The following PDGFRL variants were observed in gnomAD, a reference collection of about 807,000 sequenced individuals.
The protein encoded by PDGFRL is platelet-derived growth factor receptor-like protein.
Under a neutral mutation model 37.2 loss-of-function variants are expected in PDGFRL, and 46 were observed. That is an observed-to-expected ratio of 1.24 (90% confidence interval 0.98 to 1.58). The LOEUF is 1.58. PDGFRL is among the 40% of genes most tolerant of loss of function. The probability of loss-of-function intolerance (pLI) is 0.00; values close to 1 mark genes in which losing one functional copy is unlikely to be tolerated. For synonymous variants in PDGFRL, 251 were observed against 184.3 expected (o/e 1.36, Z -2.93); for missense variants, 692 against 467.6 (o/e 1.48, Z -4.43).
intron 2 of PDGFRL, among the ~76,000 whole-genome samples, chr8:17,597,529 GTA>G (rs1243972165): frequency 1.0e-4 from 14 of 139,280 alleles, no homozygotes; most frequent in Non-Finnish European, 1.2e-4. Context: ...AAATGCCCAA[GTA>G]GAGAAAAATG....
intron 2 of PDGFRL, among the ~76,000 whole-genome samples, chr8:17,608,627 G>T (rs1258353900): frequency 6.6e-6 from 1 of 152,136 alleles, no homozygotes; most frequent in Non-Finnish European, 1.5e-5. Context: ...ATTAACGTTT[G>T]CTTAATGTAT....
At chr8:17,596,974 T>G (rs1365096787) in intron 2 of PDGFRL, among the ~76,000 whole-genome samples, 5 of 152,360 alleles carry the variant, frequency 3.3e-5, no homozygotes, top group Admixed American at 1.3e-4. Flanking sequence ...GTGTTGGGTT[T>G]GGAAGCTCCC....
chr8:17,589,699 G>A lies in PDGFRL; in HGVS notation c.287G>A (p.Cys96Tyr). 1 of 1,613,522 alleles carries A rather than the reference G, an allele frequency of 6.2e-7. No individual in the cohort carries two copies. The highest frequency in any genetic ancestry group is 8.5e-7 in the Non-Finnish European group (1 of 1,179,468). Reference sequence around the variant, plus strand: ...GCGGGGCAAACTGTAGAGCTTCGATGTAAAGGGAGTAGAATTGGGTGGAGC... The same window carrying A: ...GCGGGGCAAACTGTAGAGCTTCGATATAAAGGGAGTAGAATTGGGTGGAGC... ...LLAGQTVELR[C>Y]KGSRIGWSYP... Residue 96 changes from cysteine (C) to tyrosine (Y), a missense_variant, in exon 2 of 6, where the codon TGT (cysteine) becomes TAT (tyrosine). Cys to Tyr is a radical substitution (Grantham distance 194). Coordinates refer to ENST00000251630, the MANE Select transcript of PDGFRL (RefSeq NM_001372073.1).
In PDGFRL at chr8:17,642,981, G is replaced by C. The variant is rs1805182448; in HGVS notation, c.*180G>C. 1 of 535,598 alleles carries C rather than the reference G, an allele frequency of 1.9e-6. No individual in the cohort carries two copies. Among genetic ancestry groups the C allele is most frequent in the African/African-American group, 1.9e-5 (1 of 52,012 alleles). 33.2% of individuals were successfully genotyped at this position (535,598 alleles called of 1,614,324 possible). ...AAGGAAGTCATCCAGTCTATTCACA[G>C]AAGTGTTAACTTTTCTAACAGAAAG... On this transcript the variant is annotated 3_prime_UTR_variant, in exon 6 of 6. Coordinates refer to ENST00000251630, the MANE Select transcript of PDGFRL (RefSeq NM_001372073.1).
intron 5 of PDGFRL, among the ~76,000 whole-genome samples, chr8:17,639,896 T>G (rs1805055315): frequency 6.6e-6 from 1 of 152,258 alleles, no homozygotes; most frequent in South Asian, 2.1e-4. Flanking sequence ...ATTTCTCCTC[T>G]TCCTCAGGAA....
At chr8:17,624,612 T>A (rs1192175184) in intron 3 of PDGFRL, among the ~76,000 whole-genome samples, 2 of 152,170 alleles carry the variant, frequency 1.3e-5, no homozygotes, top group Non-Finnish European at 2.9e-5. Context: ...ACCACATTAA[T>A]AAGTACTTTC....
intron 2 of PDGFRL, among the ~76,000 whole-genome samples, chr8:17,593,482 C>T (rs1275342027): frequency 6.6e-6 from 1 of 151,632 alleles, no homozygotes; most frequent in Admixed American, 6.6e-5. Context: ...CCTGTAGTCC[C>T]AGCTACTTGG....
chr8:17,590,482 C>T (rs896091411), intron 2 of PDGFRL, among the ~76,000 whole-genome samples: 1 of 152,086 alleles, frequency 6.6e-6, no homozygotes, highest in East Asian at 1.9e-4. Context: ...GAGGCCAAAG[C>T]AGGCAGATCA....
At chr8:17,603,833 G>A (rs945683076) in intron 2 of PDGFRL, among the ~76,000 whole-genome samples, 5 of 152,142 alleles carry the variant, frequency 3.3e-5, no homozygotes, top group Non-Finnish European at 7.3e-5. Flanking sequence ...CAAGGAGGAG[G>A]AAACTCAAGC....
chr8:17,632,900 T>G (rs75529708), intron 4 of PDGFRL, among the ~76,000 whole-genome samples: 1 of 152,200 alleles, frequency 6.6e-6, no homozygotes, highest in Non-Finnish European at 1.5e-5. Flanking sequence ...CTTGAGATTT[T>G]AGTTCAAACA....
intron 4 of PDGFRL, among the ~76,000 whole-genome samples, chr8:17,630,060 G>A (rs1804830639): frequency 6.6e-6 from 1 of 152,196 alleles, no homozygotes; most frequent in Admixed American, 6.5e-5. Context: ...TGTACTCAGA[G>A]AGTTAAGAGC....
At chr8:17,586,686 G>A (rs1803824944) in intron 1 of PDGFRL, among the ~76,000 whole-genome samples, 2 of 152,104 alleles carry the variant, frequency 1.3e-5, no homozygotes, top group Admixed American at 6.5e-5. Context: ...CTTACTGTAG[G>A]TCAGATGCTA....
At chr8:17,630,751 G>A (rs376190800) in intron 4 of PDGFRL, among the ~76,000 whole-genome samples, 5 of 152,148 alleles carry the variant, frequency 3.3e-5, no homozygotes, top group African/African-American at 1.2e-4. Flanking sequence ...CTGGCTTGTT[G>A]TCTGTTAGCC....
chr8:17,642,314 T>C (rs1805142384), intron 5 of PDGFRL, among the ~76,000 whole-genome samples: 1 of 152,194 alleles, frequency 6.6e-6, no homozygotes, highest in African/African-American at 2.4e-5. Flanking sequence ...TAATACCAGT[T>C]CCACTTCCTT....
intron 2 of PDGFRL, among the ~76,000 whole-genome samples, chr8:17,600,766 T>C (rs2517173): frequency 0.86 from 128,342 of 149,738 alleles, 55,868 homozygotes; most frequent in Non-Finnish European, 0.94. Flanking sequence ...TCTGTGACTG[T>C]GCTCCAGCCT....
chr8:17,607,721 G>A (rs1250084461), intron 2 of PDGFRL, among the ~76,000 whole-genome samples: 8 of 152,144 alleles, frequency 5.3e-5, no homozygotes, highest in Non-Finnish European at 1.2e-4. Context: ...ATGCTCAAAT[G>A]TAAACACTGG....
chr8:17,630,108 C>T (rs1250904578), intron 4 of PDGFRL, among the ~76,000 whole-genome samples: 1 of 152,166 alleles, frequency 6.6e-6, no homozygotes, highest in South Asian at 2.1e-4. Context: ...AGGGCATGGC[C>T]ATGAATCCCC....
At chr8:17,637,370 G>T (rs114941927) in intron 5 of PDGFRL, among the ~76,000 whole-genome samples, 2,207 of 152,138 alleles carry the variant, frequency 0.015, 52 homozygotes, top group African/African-American at 0.05. Flanking sequence ...ATTCTATGTG[G>T]TGTATCCCAT....
rs989900403 is a variant in PDGFRL at position 17,589,346 on chromosome 8, ACTGCCCTC to A, written c.56-120_56-113del. The A allele has an allele frequency of 3.7e-5, 27 of 727,914 alleles. No homozygotes were observed. In the African/African-American group the frequency reaches 4.6e-4, roughly 12 times the overall value. The allele number at this position is 727,914 out of a possible 1,614,324, so 45.1% of individuals were successfully genotyped here. A position where few individuals can be genotyped will look rare whatever the true frequency, so the allele number is the denominator to read the frequency against. Reference sequence around the variant, plus strand: ...GGTTGCAGTGAGCTGAGATTATGCCACTGCCCTCCAACCTGGGCAATAGAGTAAGAATC... The same window carrying A: ...GGTTGCAGTGAGCTGAGATTATGCCACAACCTGGGCAATAGAGTAAGAATC... On this transcript the variant is annotated intron_variant, in intron 1 of 5. Coordinates refer to ENST00000251630, the MANE Select transcript of PDGFRL (RefSeq NM_001372073.1).
Sources: allele counts gnomAD v4.1 joint callset (sites outside exome capture counted in the v4.1 genomes callset), GRCh38; gene constraint gnomAD v4.1.1; transcripts MANE v1.5; gene names NCBI Gene and HGNC (gene_info 2026-07-23, HGNC 2026-07-21).